The following HCN1 variants were observed in gnomAD, a reference collection of about 807,000 sequenced individuals.
HCN1 encodes hyperpolarization activated cyclic nucleotide gated potassium channel 1.
In HCN1, 13 loss-of-function variants were observed where a neutral mutation model predicts 78.9. That is an observed-to-expected ratio of 0.16 (90% confidence interval 0.11 to 0.26). The LOEUF is 0.26. Among genes scored for constraint, HCN1 ranks in the 10% least tolerant of loss-of-function variants. The pLI, the probability that HCN1 is intolerant of heterozygous loss-of-function variation, is 1.00. For synonymous variants in HCN1, 552 were observed against 455.5 expected, an observed-to-expected ratio of 1.21 and a Z score of -2.70; for missense variants, 810 against 1,154.3, an observed-to-expected ratio of 0.70 and a Z score of 4.32.
At chr5:45,435,356 A>C (rs1740541831) in intron 3 of HCN1, among the ~76,000 whole-genome samples, 1 of 152,162 alleles carries the variant, frequency 6.6e-6, no homozygotes, top group African/African-American at 2.4e-5. Flanking sequence ...AATTTTTAAA[A>C]AGTTGATTAT....
rs747284102 is a variant in HCN1, at chr5:45,695,874, C to G, written c.220G>C (p.Gly74Arg). The G allele has an allele frequency of 6.6e-7, 1 of 1,516,084 alleles. No homozygotes were observed. Among genetic ancestry groups the G allele is most frequent in the East Asian group, 2.4e-5 (1 of 41,146 alleles). The allele number at this position is 1,516,084 out of a possible 1,614,324, so 93.9% of individuals were successfully genotyped here. ...TCGAAGCCCCCCGCCGGCTCCTCGC[C>G]GCCGCCGCCGCCGCCGCCACCGCCG... is the stretch of plus-strand genomic sequence containing the variant. ...GGGGGGGGGG[G>R]EEPAGGFEDA... Residue 74 changes from glycine (G) to arginine (R), a missense_variant, in exon 1 of 8, where the codon GGC becomes CGC. Physicochemically the swap from Gly to Arg is moderately radical, Grantham distance 125. Coordinates refer to ENST00000303230, the MANE Select transcript of HCN1 (RefSeq NM_021072.4).
chr5:45,573,955 T>C (rs1012644726), intron 2 of HCN1, among the ~76,000 whole-genome samples: 2 of 152,078 alleles, frequency 1.3e-5, no homozygotes, highest in Non-Finnish European at 2.9e-5. Context: ...TTTGTAAAAA[T>C]TAATAAATGT....
At chr5:45,378,532 G>A (rs1747736827) in intron 4 of HCN1, among the ~76,000 whole-genome samples, 1 of 152,098 alleles carries the variant, frequency 6.6e-6, no homozygotes, top group South Asian at 2.1e-4. Flanking sequence ...CTATCTCCAT[G>A]TGGAGGTTGA....
chr5:45,681,635 T>TTAAG, intron 1 of HCN1, among the ~76,000 whole-genome samples: 1 of 152,198 alleles, frequency 6.6e-6, no homozygotes, highest in South Asian at 2.1e-4. Flanking sequence ...ATTTTATTAA[T>TTAAG]TAAGCCAAGA....
intron 2 of HCN1, among the ~76,000 whole-genome samples, chr5:45,601,376 G>C (rs984853800): frequency 3.3e-5 from 5 of 152,132 alleles, no homozygotes; most frequent in African/African-American, 4.8e-5. Flanking sequence ...CCATGTGAAA[G>C]CTCCGGTTAT....
intron 2 of HCN1, among the ~76,000 whole-genome samples, chr5:45,571,632 A>C (rs1743838033): frequency 6.6e-6 from 1 of 152,166 alleles, no homozygotes; most frequent in African/African-American, 2.4e-5. Flanking sequence ...AGCCAATATG[A>C]GGACAGACGC....
intron 5 of HCN1, among the ~76,000 whole-genome samples, chr5:45,342,466 G>A (rs1392659334): frequency 4.0e-5 from 6 of 149,966 alleles, no homozygotes; most frequent in African/African-American, 1.2e-4. Flanking sequence ...TTAAACTCCT[G>A]ACCACAGGTG....
At chr5:45,347,699 C>T (rs370216077) in intron 5 of HCN1, among the ~76,000 whole-genome samples, 4 of 151,926 alleles carry the variant, frequency 2.6e-5, no homozygotes, top group South Asian at 2.1e-4. Context: ...AGCCAAGGCT[C>T]GAGAACTACG....
At chr5:45,591,782 T>C (rs1744369719) in intron 2 of HCN1, among the ~76,000 whole-genome samples, 1 of 152,220 alleles carries the variant, frequency 6.6e-6, no homozygotes, top group South Asian at 2.1e-4. Context: ...AGCAGAAGTT[T>C]TAAATTTTAA....
intron 2 of HCN1, among the ~76,000 whole-genome samples, chr5:45,626,627 G>T (rs1292597461): frequency 6.6e-6 from 1 of 152,096 alleles, no homozygotes; most frequent in Non-Finnish European, 1.5e-5. Flanking sequence ...GATTGGGGAG[G>T]CAGAGAAAAC....
chr5:45,394,155 C>T (rs924886254), intron 4 of HCN1, among the ~76,000 whole-genome samples: 2 of 152,114 alleles, frequency 1.3e-5, no homozygotes, highest in African/African-American at 4.8e-5. Flanking sequence ...TGGATCTGGA[C>T]TCTGAATAAT....
At chr5:45,623,547 G>A (rs910424615) in intron 2 of HCN1, among the ~76,000 whole-genome samples, 11 of 152,002 alleles carry the variant, frequency 7.2e-5, no homozygotes, top group African/African-American at 1.9e-4. Flanking sequence ...TCTGCAGCTG[G>A]GTAAAAAGGC....
chr5:45,379,984 T>G (rs915973740), intron 4 of HCN1, among the ~76,000 whole-genome samples: 13 of 152,046 alleles, frequency 8.6e-5, no homozygotes, highest in African/African-American at 3.1e-4. Flanking sequence ...ATATTCAATA[T>G]ATATTAAGTA....
chr5:45,601,279 A>G (rs1490907266), intron 2 of HCN1, among the ~76,000 whole-genome samples: 1 of 152,144 alleles, frequency 6.6e-6, no homozygotes, highest in Non-Finnish European at 1.5e-5. Flanking sequence ...TTTGTCACAC[A>G]GTAATTTCAA....
chr5:45,579,489 A>G (rs1272940964), intron 2 of HCN1, among the ~76,000 whole-genome samples: 2 of 152,036 alleles, frequency 1.3e-5, no homozygotes, highest in African/African-American at 4.8e-5. Flanking sequence ...AGTATCTACC[A>G]TGGTCTCGCA....
intron 5 of HCN1, among the ~76,000 whole-genome samples, chr5:45,328,490 T>C (rs1746278741): frequency 6.6e-6 from 1 of 151,502 alleles, no homozygotes; most frequent in Admixed American, 6.6e-5. Context: ...GCTGAGGTAG[T>C]GGGGCTTCAA....
At chr5:45,608,775 A>T (rs1190546590) in intron 2 of HCN1, among the ~76,000 whole-genome samples, 1 of 152,018 alleles carries the variant, frequency 6.6e-6, no homozygotes, top group African/African-American at 2.4e-5. Context: ...TAATAAACTG[A>T]CTACTATCAA....
chr5:45,332,091 T>C (rs1220582382), intron 5 of HCN1, among the ~76,000 whole-genome samples: 1 of 151,546 alleles, frequency 6.6e-6, no homozygotes, highest in African/African-American at 2.4e-5. Context: ...GAAAACAGTA[T>C]TGTCTTTTTA....
chr5:45,262,749 G>C lies in HCN1; in HGVS notation c.1845C>G (p.Asn615Lys), dbSNP rs200841444. ...FQKDLNTGVF[N>K]NQENEILKQI... The stretch of plus-strand genomic sequence containing the variant: ...GCTTGAGGATTTCGTTCTCCTGATT[G>C]TTGAAAACACCAGTGTTCAGATCCT... The change falls in exon 8 of 8, where the codon AAC becomes AAG. Residue 615 changes from asparagine to lysine, a missense_variant. Asn to Lys is a moderately conservative substitution (Grantham distance 94). Around this residue, in one of 6 missense-constraint regions of HCN1, gnomAD observed 398 missense variants for 381.3 expected, o/e 1.04. Transcript: ENST00000303230. The C allele has an allele frequency of 3.1e-6, 5 of 1,614,012 alleles. No homozygotes were observed. Among genetic ancestry groups the C allele is most frequent in the Non-Finnish European group, 4.2e-6 (5 of 1,180,032 alleles).
Sources: allele counts gnomAD v4.1 joint callset (sites outside exome capture counted in the v4.1 genomes callset), GRCh38; gene constraint gnomAD v4.1.1; regional missense constraint gnomAD v4.1.1; transcripts MANE v1.5; gene names NCBI Gene and HGNC (gene_info 2026-07-23, HGNC 2026-07-21).